Variants in NCOA7 observed in about 807,000 individuals in gnomAD.
The protein encoded by NCOA7 is nuclear receptor coactivator 7.
In NCOA7, 45 loss-of-function variants were observed where a neutral mutation model predicts 104.3. The ratio of observed to expected loss-of-function variants is 0.43; its 90% CI spans 0.34 to 0.55. NCOA7 has a LOEUF of 0.55. NCOA7 is among the 20% of genes least tolerant of loss of function. The probability of loss-of-function intolerance (pLI) is 0.02; values close to 1 mark genes in which losing one functional copy is unlikely to be tolerated. For synonymous variants in NCOA7, 398 were observed against 402.3 expected (o/e 0.99, Z 0.13); for missense variants, 1,041 against 1,119.7 (o/e 0.93, Z 1.00).
At chr6:125,865,457 A>C (rs1220233106) in intron 3 of NCOA7, among the ~76,000 whole-genome samples, 1 of 136,216 alleles carries the variant, frequency 7.3e-6, no homozygotes, top group African/African-American at 3.1e-5. Flanking sequence ...GTTAAAACAG[A>C]GTTCATATTG....
chr6:125,912,803 A>C (rs1328578487), intron 10 of NCOA7, among the ~76,000 whole-genome samples: 1 of 152,210 alleles, frequency 6.6e-6, no homozygotes, highest in Non-Finnish European at 1.5e-5. Flanking sequence ...TTTCCCAACA[A>C]ATAATAATAA....
At chr6:125,843,898 A>G (rs1054318001) in intron 2 of NCOA7, among the ~76,000 whole-genome samples, 5 of 152,218 alleles carry the variant, frequency 3.3e-5, no homozygotes, top group African/African-American at 9.6e-5. Context: ...AAATAATACA[A>G]TGTAGACATT....
intron 15 of NCOA7, 71 bp downstream of exon 15, chr6:125,928,318 T>A: frequency 7.2e-7 from 1 of 1,379,326 alleles, no homozygotes; most frequent in Non-Finnish European, 1.0e-6. Context: ...TGTTTTGACC[T>A]ACGTAGTTAA....
chr6:125,885,933 T>G (rs1201256175), intron 8 of NCOA7, among the ~76,000 whole-genome samples: 1 of 152,126 alleles, frequency 6.6e-6, no homozygotes, highest in Non-Finnish European at 1.5e-5. Flanking sequence ...ATGCTGGATT[T>G]ATTGTAAAAA....
At chr6:125,836,332 G>A (rs546403130) in intron 2 of NCOA7, among the ~76,000 whole-genome samples, 15 of 152,104 alleles carry the variant, frequency 9.9e-5, no homozygotes, top group Non-Finnish European at 1.5e-4. Context: ...GTATACATGC[G>A]TTAAAATATT....
intron 2 of NCOA7, among the ~76,000 whole-genome samples, chr6:125,844,167 T>C (rs1780397170): frequency 6.6e-6 from 1 of 152,236 alleles, no homozygotes; most frequent in African/African-American, 2.4e-5. Flanking sequence ...TGTTTATCTG[T>C]CTTTATTAGA....
chr6:125,899,964 G>A, intron 10 of NCOA7: 1 of 532,032 alleles, frequency 1.9e-6, no homozygotes, highest in Non-Finnish European at 3.9e-6. Context: ...AATAGCTGAG[G>A]GTCCATTTCC....
intron 5 of NCOA7, 53 bp downstream of exon 5, chr6:125,878,423 TTGCCGTTTTCAG>T: frequency 7.5e-7 from 1 of 1,335,220 alleles, no homozygotes. Flanking sequence ...TTATCTTTTA[TTGCCGTTTTCAG>T]TGCCTCACTA....
rs150465502 is a variant in NCOA7, at chr6:125,905,238, G to A, written c.2097-10095G>A. 4.8e-4 allele frequency among the ~76,000 whole-genome samples: 72 copies of A among 151,420 alleles called. 1 individual carries two copies. The East Asian group carries it at 0.013, about 27-fold the overall frequency. On this transcript the variant is annotated intron_variant, in intron 10 of 15. Transcript: ENST00000392477. ...AGAAGATCAGCTTCACTAGAGTGGT[G>A]AGGGAAGGAATAAGATTTTTTTTTT... is the stretch of plus-strand genomic sequence containing the variant.
intron 13 of NCOA7, among the ~76,000 whole-genome samples, chr6:125,924,355 C>G (rs1787841742): frequency 6.6e-6 from 1 of 152,212 alleles, no homozygotes; most frequent in South Asian, 2.1e-4. Flanking sequence ...AGTCTTGTCA[C>G]TGGGTGGAGT....
At chr6:125,880,654 G>A (rs976952623) in intron 5 of NCOA7, among the ~76,000 whole-genome samples, 2 of 151,812 alleles carry the variant, frequency 1.3e-5, no homozygotes, top group Non-Finnish European at 2.9e-5. Context: ...CAGCCTCCCC[G>A]AGTATCTGGG....
chr6:125,823,174 C>G (rs529878882), intron 2 of NCOA7, among the ~76,000 whole-genome samples: 4 of 152,126 alleles, frequency 2.6e-5, no homozygotes, highest in South Asian at 2.1e-4. Flanking sequence ...ACAGTCAATC[C>G]CCCCGCAAAT....
chr6:125,788,788 C>T (rs548546308), upstream of NCOA7, among the ~76,000 whole-genome samples: 18 of 150,614 alleles, frequency 1.2e-4, no homozygotes, highest in Non-Finnish European at 2.4e-4. Context: ...GTGATCCGCC[C>T]GCCTCGGCCT....
chr6:125,915,270 C>A, intron 10 of NCOA7, 63 bp from the exon 11 acceptor site: 1 of 1,589,366 alleles, frequency 6.3e-7, no homozygotes. Context: ...TACTGAAGTC[C>A]ACACTAGCAC....
chr6:125,858,115 A>G (rs1781737563), intron 3 of NCOA7, among the ~76,000 whole-genome samples: 1 of 151,906 alleles, frequency 6.6e-6, no homozygotes, highest in Non-Finnish European at 1.5e-5. Context: ...GTTATCATGG[A>G]TGTATTTGAT....
At chr6:125,908,445 G>T (rs192418143) in intron 10 of NCOA7, among the ~76,000 whole-genome samples, 127 of 152,278 alleles carry the variant, frequency 8.3e-4, no homozygotes, top group Non-Finnish European at 1.1e-3. Flanking sequence ...AACCCCTTTG[G>T]AGAGTTTCCC....
At chr6:125,892,684 CAAAT>C (rs946012825) in intron 10 of NCOA7, among the ~76,000 whole-genome samples, 4 of 152,054 alleles carry the variant, frequency 2.6e-5, no homozygotes, top group East Asian at 1.9e-4. Context: ...AAAAAACAAA[CAAAT>C]AAACAAACAA....
At position 125,880,999 on chromosome 6, in the gene NCOA7, A is replaced by G. The variant is rs939571895; in HGVS notation, c.460-91A>G. Reference sequence around the variant, plus strand: ...CCTAGGTCGTAATCATGCACTGAACATGATACTGTGTAGAGAATAACTTCT... The same window carrying G: ...CCTAGGTCGTAATCATGCACTGAACGTGATACTGTGTAGAGAATAACTTCT... On this transcript the variant is annotated intron_variant, in intron 5 of 15. Transcript: ENST00000392477. 22 of 862,348 alleles carry G rather than the reference A, an allele frequency of 2.6e-5. No individual in the cohort carries two copies. In the African/African-American group the frequency reaches 2.6e-4, roughly 10 times the overall value. The allele number at this position is 862,348 out of a possible 1,614,324, so 53.4% of individuals were successfully genotyped here.
At chr6:125,921,639 A>G (rs1302132123) in intron 12 of NCOA7, among the ~76,000 whole-genome samples, 1 of 152,204 alleles carries the variant, frequency 6.6e-6, no homozygotes, top group Non-Finnish European at 1.5e-5. Context: ...TCTTAAAAAA[A>G]TAAAAATTTT....
Sources: gnomAD v4.1 joint callset for allele counts (sites outside exome capture counted in the v4.1 genomes callset) on GRCh38, gnomAD v4.1.1 for gene constraint, MANE v1.5 for transcripts, NCBI Gene and HGNC (gene_info 2026-07-23, HGNC 2026-07-21) for gene names.